Variants in COP1 observed in about 807,000 individuals in gnomAD.
COP1 encodes the protein E3 ubiquitin-protein ligase COP1.
COP1 carries 24 observed loss-of-function variants against 101.3 expected under a neutral mutation model. The observed-to-expected ratio is 0.24, with a 90% CI of 0.17 to 0.33. COP1 has a LOEUF of 0.33. Ranked by LOEUF, COP1 falls within the 10% of genes least tolerant of loss-of-function variation. The pLI is 1.00. For synonymous variants in COP1, 347 were observed against 341.9 expected (o/e 1.01, Z -0.17); for missense variants, 663 against 906.2 (o/e 0.73, Z 3.45).
chr1:176,060,235 A>T (rs1272879778), intron 11 of COP1, among the ~76,000 whole-genome samples: 5 of 152,194 alleles, frequency 3.3e-5, no homozygotes, highest in African/African-American at 1.2e-4. Flanking sequence ...AAATAAATAC[A>T]CTACCTGATA....
chr1:176,163,717 A>C, intron 4 of COP1, 98 bp downstream of exon 4: 1 of 739,590 alleles, frequency 1.4e-6, no homozygotes, highest in Non-Finnish European at 2.2e-6. Context: ...TTTAAGAAAA[A>C]TCAATAATAT....
chr1:176,103,899 G>A (rs1241900860), intron 9 of COP1, among the ~76,000 whole-genome samples: 1 of 152,032 alleles, frequency 6.6e-6, no homozygotes, highest in African/African-American at 2.4e-5. Flanking sequence ...AAAATACCAA[G>A]AAGCTTTTTT....
intron 14 of COP1, among the ~76,000 whole-genome samples, chr1:176,036,512 A>AC (rs1557972492): frequency 1.3e-5 from 2 of 149,540 alleles, no homozygotes; most frequent in Admixed American, 6.7e-5. Context: ...AAAAACAAAA[A>AC]AAAAAAAAAA....
intron 14 of COP1, among the ~76,000 whole-genome samples, chr1:176,041,896 G>A (rs2149169465): frequency 6.6e-6 from 1 of 152,182 alleles, no homozygotes; most frequent in Non-Finnish European, 1.5e-5. Context: ...GGCAGGTCAT[G>A]AGGTCAGGAG....
chr1:176,096,631 T>C (rs925369017), intron 9 of COP1, among the ~76,000 whole-genome samples: 4 of 152,238 alleles, frequency 2.6e-5, no homozygotes, highest in African/African-American at 9.6e-5. Context: ...TGAACTGTTT[T>C]TTCTCTACCT....
chr1:176,149,302 C>A (rs112511964), intron 5 of COP1, among the ~76,000 whole-genome samples: 3,822 of 152,046 alleles, frequency 0.025, 155 homozygotes, highest in African/African-American at 0.087. Context: ...AAATTACATC[C>A]CTTATCTAAC....
intron 8 of COP1, among the ~76,000 whole-genome samples, chr1:176,129,507 T>C (rs925252870): frequency 1.3e-5 from 2 of 151,890 alleles, no homozygotes; most frequent in African/African-American, 4.8e-5. Flanking sequence ...ATTTTAAAGA[T>C]GAGAGATTGT....
At chr1:175,949,297 G>C (rs1041538331) in intron 18 of COP1, among the ~76,000 whole-genome samples, 1 of 148,022 alleles carries the variant, frequency 6.8e-6, no homozygotes, top group African/African-American at 2.5e-5. Context: ...TATTCGGGGT[G>C]GGGGGCTGGG....
chr1:176,118,451 A>G (rs565284318), intron 8 of COP1, among the ~76,000 whole-genome samples: 1 of 152,248 alleles, frequency 6.6e-6, no homozygotes, highest in Non-Finnish European at 1.5e-5. Context: ...GTTAACAACA[A>G]TGTATTTATA....
intron 12 of COP1, 24 bp from the exon 13 acceptor site, chr1:176,043,842 T>C (rs1571885486): frequency 7.8e-7 from 1 of 1,282,442 alleles, no homozygotes; most frequent in Non-Finnish European, 1.1e-6. Flanking sequence ...AGTTAAAAGT[T>C]ACTTTACATA....
intron 11 of COP1, among the ~76,000 whole-genome samples, chr1:176,058,154 C>T (rs1674081996): frequency 7.7e-6 from 1 of 130,164 alleles, no homozygotes; most frequent in Admixed American, 7.6e-5. Flanking sequence ...GGTCAGCCCC[C>T]GCCCGGCCAG....
At position 176,206,901 on chromosome 1, in the gene COP1, G is replaced by A. The variant is rs1412278215; in HGVS notation, c.78C>T (p.Ser26=). 2 of 1,465,512 alleles carry A rather than the reference G, an allele frequency of 1.4e-6. No individual in the cohort carries two copies. Among genetic ancestry groups the A allele is most frequent in the Admixed American group, 2.4e-5 (1 of 40,948 alleles). 90.8% of individuals were successfully genotyped at this position (1,465,512 alleles called of 1,614,324 possible). ...PGSSAASSVT[S]ASSSLSSSPS... is the part of the protein sequence containing the mutation. The stretch of plus-strand genomic sequence containing the variant: ...GGGAAGAGGATAAAGACGAGGAGGC[G>A]GAAGTCACCGAGGAGGCCGCCGAGG... The change falls in exon 1 of 20, where the codon TCC becomes TCT. Residue 26 remains serine, a synonymous_variant. Transcript: ENST00000367669.
At chr1:176,069,598 G>C (rs964573537) in intron 11 of COP1, among the ~76,000 whole-genome samples, 1 of 152,212 alleles carries the variant, frequency 6.6e-6, no homozygotes, top group African/African-American at 2.4e-5. Flanking sequence ...TCTTGCCAAA[G>C]ATGTGAACAC....
intron 14 of COP1, among the ~76,000 whole-genome samples, chr1:176,034,746 A>G (rs949542862): frequency 6.6e-6 from 1 of 152,192 alleles, no homozygotes; most frequent in African/African-American, 2.4e-5. Context: ...TGCTTTGCGC[A>G]CTGAACTACA....
At chr1:176,049,346 T>C (rs928022762) in intron 11 of COP1, among the ~76,000 whole-genome samples, 12 of 152,158 alleles carry the variant, frequency 7.9e-5, no homozygotes, top group Non-Finnish European at 1.6e-4. Context: ...AGTTAACTTT[T>C]TGTTTTGATT....
At chr1:176,006,180 T>C (rs965149664) in intron 15 of COP1, among the ~76,000 whole-genome samples, 1 of 152,054 alleles carries the variant, frequency 6.6e-6, no homozygotes, top group Non-Finnish European at 1.5e-5. Flanking sequence ...CCCCTGCCTT[T>C]TTTTGTTTTC....
intron 11 of COP1, 120 bp downstream of exon 11, chr1:176,081,031 TA>T: frequency 1.2e-6 from 1 of 862,544 alleles, no homozygotes; most frequent in Non-Finnish European, 1.8e-6. Flanking sequence ...ATCACAGAAC[TA>T]ATAATTGGCA....
At position 176,196,025 on chromosome 1, in the gene COP1, A is replaced by G. The variant is rs576352355; in HGVS notation, c.407+10547T>C. 7.0e-4 allele frequency among the ~76,000 whole-genome samples: 106 copies of G among 152,332 alleles called. 3 individuals are homozygous for G. The highest frequency in any genetic ancestry group is 2.5e-3 in the African/African-American group (103 of 41,574). On this transcript the variant is annotated intron_variant, in intron 1 of 19. Coordinates refer to ENST00000367669, the MANE Select transcript of COP1 (RefSeq NM_022457.7). ...GTACAGGTAAAATAAATTAAACAAC[A>G]TACTTCTGAATAATCCATGTTTCAA... is the stretch of plus-strand genomic sequence containing the variant.
intron 6 of COP1, among the ~76,000 whole-genome samples, chr1:176,138,784 A>C (rs1229052574): frequency 6.6e-6 from 1 of 152,144 alleles, no homozygotes; most frequent in Non-Finnish European, 1.5e-5. Context: ...GCCATCAATA[A>C]ACATCCCAGT....
Sources: allele counts gnomAD v4.1 joint callset (sites outside exome capture counted in the v4.1 genomes callset), GRCh38; gene constraint gnomAD v4.1.1; transcripts MANE v1.5; gene names NCBI Gene and HGNC (gene_info 2026-07-23, HGNC 2026-07-21).